PPP2R5E: variants seen among roughly 807,000 people sequenced by gnomAD.
PPP2R5E encodes protein phosphatase 2 regulatory subunit B'epsilon, also known as serine/threonine-protein phosphatase 2A 56 kDa regulatory subunit epsilon isoform.
In PPP2R5E, 4 loss-of-function variants were observed where a neutral mutation model predicts 65.3. That is an observed-to-expected ratio of 0.06 (90% CI 0.03 to 0.14). PPP2R5E has a LOEUF of 0.14. Among genes scored for constraint, PPP2R5E ranks in the 10% least tolerant of loss-of-function variants. PPP2R5E has a pLI of 1.00. For synonymous variants in PPP2R5E, 183 were observed against 187.4 expected (o/e 0.98, Z 0.19); for missense variants, 274 against 556.1 (o/e 0.49, Z 5.10).
chr14:63,421,890 TA>T, intron 4 of PPP2R5E, 102 bp downstream of exon 4: 1 of 847,238 alleles, frequency 1.2e-6, no homozygotes. Context: ...TAGTGTACTC[TA>T]ATTTGATTTC....
intron 8 of PPP2R5E, 47 bp downstream of exon 8, chr14:63,393,773 A>C (rs775499107): frequency 2.9e-6 from 4 of 1,360,924 alleles, no homozygotes; most frequent in Non-Finnish European, 4.1e-6. Context: ...ACGAGTTTGC[A>C]AACTTTTTAT....
rs57623942 is a variant in PPP2R5E at position 63,512,078 on chromosome 14, TAAAAAAAAAAAAAAAAA to T, written c.157+27434_157+27450del. Among the ~76,000 whole-genome samples, 620 of 87,084 alleles carry T rather than the reference TAAAAAAAAAAAAAAAAA, an allele frequency of 7.1e-3. 9 individuals carry two copies. The highest frequency in any genetic ancestry group is 0.023 in the African/African-American group (588 of 25,594). The allele number at this position is 87,084 out of a possible 152,430, so 57.1% of individuals were successfully genotyped here. On this transcript the variant is annotated intron_variant, in intron 2 of 13. Coordinates refer to ENST00000337537, the MANE Select transcript of PPP2R5E (RefSeq NM_006246.5). ...TGGACGACAGAGCGAGACTCTGCGG[TAAAAAAAAAAAAAAAAA>T]AAAAAAAAAGAATCTCAGAACACTG... is the stretch of plus-strand genomic sequence containing the variant.
At chr14:63,379,934 A>G (rs1884236152) in intron 13 of PPP2R5E, among the ~76,000 whole-genome samples, 1 of 146,396 alleles carries the variant, frequency 6.8e-6, no homozygotes, top group Non-Finnish European at 1.5e-5. Context: ...TCCCGGGTTC[A>G]ACTGACCCTC....
intron 2 of PPP2R5E, among the ~76,000 whole-genome samples, chr14:63,455,076 C>T (rs1889045125): frequency 1.3e-5 from 2 of 152,200 alleles, no homozygotes; most frequent in African/African-American, 4.8e-5. Context: ...CAGTTGCCAG[C>T]CTTCTGGTAA....
intron 2 of PPP2R5E, among the ~76,000 whole-genome samples, chr14:63,519,507 A>ATTTTTT (rs557285871): frequency 1.6e-5 from 2 of 124,326 alleles, no homozygotes; most frequent in African/African-American, 3.3e-5. Flanking sequence ...TGCCCAGCTA[A>ATTTTTT]TTTTTTTTTT....
At chr14:63,541,810 T>C (rs1181568854) in intron 1 of PPP2R5E, among the ~76,000 whole-genome samples, 1 of 152,188 alleles carries the variant, frequency 6.6e-6, no homozygotes, top group African/African-American at 2.4e-5. Context: ...GGAAGTCTTC[T>C]TTGGTTTTCT....
At chr14:63,503,346 G>A (rs1891991017) in intron 2 of PPP2R5E, among the ~76,000 whole-genome samples, 1 of 152,126 alleles carries the variant, frequency 6.6e-6, no homozygotes, top group Non-Finnish European at 1.5e-5. Context: ...GGTGTGGAGT[G>A]ACAGGCAGGA....
intron 12 of PPP2R5E, 132 bp downstream of exon 12, chr14:63,384,312 C>T: frequency 9.2e-7 from 1 of 1,086,454 alleles, no homozygotes; most frequent in Non-Finnish European, 1.4e-6. Flanking sequence ...CAGTGAATCC[C>T]CAGAAGGTAA....
intron 5 of PPP2R5E, among the ~76,000 whole-genome samples, chr14:63,397,453 G>A (rs60749050): frequency 0.11 from 15,666 of 142,046 alleles, 1,051 homozygotes; most frequent in East Asian, 0.25. Context: ...AGTGAGCTGC[G>A]ATCGCGCCAT....
intron 3 of PPP2R5E, among the ~76,000 whole-genome samples, chr14:63,422,403 T>A (rs1305146400): frequency 6.6e-6 from 1 of 152,178 alleles, no homozygotes; most frequent in Non-Finnish European, 1.5e-5. Context: ...CAGTCAAGCA[T>A]GTTTCTGATT....
chr14:63,508,348 G>T (rs1021771426), intron 2 of PPP2R5E: 1 of 391,250 alleles, frequency 2.6e-6, no homozygotes, highest in Non-Finnish European at 3.5e-6. Context: ...GCATATATTC[G>T]CTAGTTTCAT....
intron 2 of PPP2R5E, among the ~76,000 whole-genome samples, chr14:63,460,087 T>A (rs1413600441): frequency 2.0e-5 from 3 of 152,152 alleles, no homozygotes; most frequent in African/African-American, 4.8e-5. Flanking sequence ...GTCAAAAGGA[T>A]GAGATGAAGG....
intron 3 of PPP2R5E, among the ~76,000 whole-genome samples, chr14:63,433,000 G>A (rs1049821835): frequency 1.3e-5 from 2 of 149,516 alleles, no homozygotes; most frequent in South Asian, 2.1e-4. Flanking sequence ...TAACCACAGC[G>A]CCACATACAG....
chr14:63,504,694 G>T (rs974277090), intron 2 of PPP2R5E, among the ~76,000 whole-genome samples: 2 of 152,092 alleles, frequency 1.3e-5, no homozygotes, highest in Non-Finnish European at 2.9e-5. Context: ...TCTAACTGGG[G>T]AGAGAAAACC....
At chr14:63,453,520 T>C (rs768437970) in intron 3 of PPP2R5E, 169 bp downstream of exon 3, 2 of 512,686 alleles carry the variant, frequency 3.9e-6, no homozygotes, top group Non-Finnish European at 6.6e-6. Context: ...TCTCATGAAA[T>C]CATGCTCTTC....
chr14:63,530,341 T>C (rs377526686), intron 2 of PPP2R5E, among the ~76,000 whole-genome samples: 4 of 149,078 alleles, frequency 2.7e-5, no homozygotes, highest in Admixed American at 6.7e-5. Flanking sequence ...CAAGCGATTC[T>C]CCTGCCTCAG....
intron 2 of PPP2R5E, among the ~76,000 whole-genome samples, chr14:63,461,409 T>C (rs1283153486): frequency 6.6e-6 from 1 of 151,908 alleles, no homozygotes; most frequent in Non-Finnish European, 1.5e-5. Context: ...CCACCATTTA[T>C]TTTCACTATA....
At chr14:63,485,752 G>A (rs1180045619) in intron 2 of PPP2R5E, among the ~76,000 whole-genome samples, 1 of 151,058 alleles carries the variant, frequency 6.6e-6, no homozygotes, top group Non-Finnish European at 1.5e-5. Context: ...ATAAAAGTCT[G>A]CAAGTGTTTT....
At chr14:63,540,984 A>G (rs10136489) in intron 1 of PPP2R5E, among the ~76,000 whole-genome samples, 14,902 of 152,144 alleles carry the variant, frequency 0.098, 760 homozygotes, top group East Asian at 0.16. Flanking sequence ...CCATTGATAC[A>G]TTTTCCCAAG....
Sources: gnomAD v4.1 joint callset for allele counts (sites outside exome capture counted in the v4.1 genomes callset) on GRCh38, gnomAD v4.1.1 for gene constraint, MANE v1.5 for transcripts, NCBI Gene and HGNC (gene_info 2026-07-23, HGNC 2026-07-21) for gene names.